Variants in ARIH1 observed in about 807,000 individuals in gnomAD.
ARIH1 encodes E3 ubiquitin-protein ligase ARIH1.
A neutral mutation model predicts 85.0 loss-of-function variants in ARIH1; 8 were observed. The ratio of observed to expected loss-of-function variants is 0.09; its 90% CI spans 0.06 to 0.17. ARIH1 has a LOEUF of 0.17. ARIH1 is among the 10% of genes least tolerant of loss of function. The pLI is 1.00. For missense variants in ARIH1, 311 were observed against 718.1 expected, an observed-to-expected ratio of 0.43 and a Z score of 6.48; for synonymous variants, 238 against 253.6, an observed-to-expected ratio of 0.94 and a Z score of 0.59.
intron 2 of ARIH1, among the ~76,000 whole-genome samples, chr15:72,533,402 G>A (rs1383151954): frequency 2.6e-5 from 4 of 152,210 alleles, no homozygotes; most frequent in African/African-American, 9.6e-5. Flanking sequence ...GGGATTATAG[G>A]CGTGAGCCCG....
intron 3 of ARIH1, among the ~76,000 whole-genome samples, chr15:72,553,561 C>G (rs2064161799): frequency 6.6e-6 from 1 of 152,132 alleles, no homozygotes; most frequent in Non-Finnish European, 1.5e-5. Context: ...CCCCCAGCCC[C>G]TAGGCAACTG....
chr15:72,564,597 T>G (rs2064211264), intron 7 of ARIH1, among the ~76,000 whole-genome samples: 1 of 152,206 alleles, frequency 6.6e-6, no homozygotes, highest in African/African-American at 2.4e-5. Flanking sequence ...TTTTTGGTTT[T>G]GTTAGAACAG....
intron 11 of ARIH1, among the ~76,000 whole-genome samples, chr15:72,573,952 A>T (rs1212124592): frequency 6.6e-6 from 1 of 152,156 alleles, no homozygotes; most frequent in Non-Finnish European, 1.5e-5. Context: ...AACTTTCTAT[A>T]TATTTCTATA....
In ARIH1 at chr15:72,494,826, GAA is replaced by G. The variant is rs34861459; in HGVS notation, c.375+19825_375+19826del. Reference sequence around the variant, plus strand: ...ACCGTGAGAAATGATGAATTATTAGGAAAAAAAAAAAAAACTTAGTGATTAAG... The same window carrying G: ...ACCGTGAGAAATGATGAATTATTAGGAAAAAAAAAAAACTTAGTGATTAAG... On this transcript the variant is annotated intron_variant, in intron 1 of 13. Coordinates refer to ENST00000379887, the MANE Select transcript of ARIH1 (RefSeq NM_005744.5). Among the ~76,000 whole-genome samples, 270 of 145,248 alleles carry G rather than the reference GAA, an allele frequency of 1.9e-3. 2 individuals carry two copies. The highest frequency in any genetic ancestry group is 7.0e-3 in the East Asian group (35 of 5,028).
intron 2 of ARIH1, 25 bp downstream of exon 2, chr15:72,518,159 G>C: frequency 1.9e-6 from 3 of 1,554,872 alleles, no homozygotes; most frequent in Non-Finnish European, 2.6e-6. Flanking sequence ...TGTCAGCTTT[G>C]TACTTAGAAG....
intron 10 of ARIH1, 56 bp downstream of exon 10, chr15:72,570,363 A>T: frequency 4.4e-6 from 7 of 1,599,148 alleles, no homozygotes; most frequent in Non-Finnish European, 6.0e-6. Context: ...GCCATGTATT[A>T]TGAATAACAT....
chr15:72,487,421 C>T (rs950526544), intron 1 of ARIH1, among the ~76,000 whole-genome samples: 6 of 152,088 alleles, frequency 3.9e-5, no homozygotes, highest in East Asian at 1.9e-4. Flanking sequence ...AACTAGAAAC[C>T]GAGAAGTATT....
chr15:72,488,234 T>C (rs1031947759), intron 1 of ARIH1, among the ~76,000 whole-genome samples: 12 of 151,972 alleles, frequency 7.9e-5, no homozygotes, highest in Non-Finnish European at 1.3e-4. Context: ...TTTATTTATT[T>C]TTTGTTTGTT....
In ARIH1 at chr15:72,596,114, AGGGCTACTAC is replaced by A. The variant is rs1200972358; in HGVS notation, c.*12824_*12833del. The A allele has an allele frequency of 6.6e-6, 1 of 152,110 alleles. No homozygotes were observed. Among genetic ancestry groups the A allele is most frequent in the Non-Finnish European group, 1.5e-5 (1 of 68,006 alleles). 9.4% of individuals were successfully genotyped at this position (152,110 alleles called of 1,614,324 possible). On this transcript the variant is annotated 3_prime_UTR_variant, in exon 14 of 14. Coordinates refer to ENST00000379887, the MANE Select transcript of ARIH1 (RefSeq NM_005744.5). The stretch of plus-strand genomic sequence containing the variant: ...GGGATTACAGGTCACTAGGCGTAGT[AGGGCTACTAC>A]GCCTGGCCCTACTGCAGTTTTTAAT...
chr15:72,506,836 G>T (rs185929155), intron 1 of ARIH1, among the ~76,000 whole-genome samples: 186 of 149,786 alleles, frequency 1.2e-3, no homozygotes, highest in East Asian at 0.011. Flanking sequence ...TAAAAAAGTG[G>T]TTTTTTTTTG....
chr15:72,565,248 A>G (rs779916301), intron 7 of ARIH1, among the ~76,000 whole-genome samples: 5 of 151,552 alleles, frequency 3.3e-5, no homozygotes, highest in Non-Finnish European at 7.4e-5. Flanking sequence ...TTATTTGTTT[A>G]TTTATTTATG....
chr15:72,493,825 A>T (rs142516880), intron 1 of ARIH1, among the ~76,000 whole-genome samples: 1 of 152,284 alleles, frequency 6.6e-6, no homozygotes, highest in African/African-American at 2.4e-5. Context: ...TTAAAAAGTT[A>T]AAACAGTCTT....
intron 11 of ARIH1, among the ~76,000 whole-genome samples, chr15:72,574,757 G>C (rs2064262414): frequency 6.6e-6 from 1 of 152,128 alleles, no homozygotes; most frequent in African/African-American, 2.4e-5. Flanking sequence ...TAAATGAGTA[G>C]GTATAACTGT....
At chr15:72,475,395 C>G (rs1216934876) in intron 1 of ARIH1, among the ~76,000 whole-genome samples, 1 of 152,208 alleles carries the variant, frequency 6.6e-6, no homozygotes. Flanking sequence ...GAATTGGGCC[C>G]TGACGGGACT....
chr15:72,533,995 A>G (rs1198740195), intron 2 of ARIH1, among the ~76,000 whole-genome samples: 1 of 152,164 alleles, frequency 6.6e-6, no homozygotes, highest in South Asian at 2.1e-4. Context: ...TATCACTATT[A>G]CACTAGATAG....
At chr15:72,514,664 A>G (rs2063966289) in intron 1 of ARIH1, among the ~76,000 whole-genome samples, 1 of 151,756 alleles carries the variant, frequency 6.6e-6, no homozygotes, top group South Asian at 2.1e-4. Context: ...AGATTGCACC[A>G]CTGCACTCCA....
chr15:72,520,797 G>T (rs2063996137), intron 2 of ARIH1, among the ~76,000 whole-genome samples: 1 of 151,506 alleles, frequency 6.6e-6, no homozygotes, highest in Non-Finnish European at 1.5e-5. Flanking sequence ...TTTTTTCTTT[G>T]TCCTTTCCTT....
chr15:72,555,138 G>T, intron 3 of ARIH1, 133 bp from the exon 4 acceptor site: 1 of 623,854 alleles, frequency 1.6e-6, no homozygotes, highest in Admixed American at 3.0e-5. Flanking sequence ...TTCATTTTAG[G>T]AGCCCATCTA....
intron 2 of ARIH1, 76 bp from the exon 3 acceptor site, chr15:72,544,744 A>G (rs1375901345): frequency 9.9e-6 from 13 of 1,314,840 alleles, no homozygotes; most frequent in Admixed American, 2.4e-5. Context: ...TTTTCCCTAT[A>G]GAAAGTCAGG....
Sources: gnomAD v4.1 joint callset for allele counts (sites outside exome capture counted in the v4.1 genomes callset) on GRCh38, gnomAD v4.1.1 for gene constraint, MANE v1.5 for transcripts, NCBI Gene and HGNC (gene_info 2026-07-23, HGNC 2026-07-21) for gene names.